The following TTBK1 variants were observed in gnomAD, a reference collection of about 807,000 sequenced individuals.
TTBK1 encodes the protein tau-tubulin kinase 1.
In TTBK1, 34 loss-of-function variants were observed where a neutral mutation model predicts 108.5. That is an observed-to-expected ratio of 0.31 (90% confidence interval 0.24 to 0.42). The LOEUF (loss-of-function observed/expected upper bound fraction) is 0.42, where lower values mean the gene tolerates loss of function less well. TTBK1 is among the 10% of genes least tolerant of loss of function. The pLI is 1.00. For missense variants in TTBK1, 1,539 were observed against 1,826.0 expected (o/e 0.84, Z 2.86); for synonymous variants, 809 against 795.1 (o/e 1.02, Z -0.29).
Position 43,263,124 on chromosome 6 carries a change from TG to T in TTBK1, c.1765del (p.Ala589GlnfsTer32). ...GAGGAGGGCGAAGAGCGGCGGCGGCTGGGGGCAGAGCCCACCGTCCGGCCCC... is the reference window on the plus strand; with the variant it reads ...GAGGAGGGCGAAGAGCGGCGGCGGCTGGGGCAGAGCCCACCGTCCGGCCCC... ...LPEEGEERRR[L>X]GAEPTVRPRG... On this transcript the variant is annotated frameshift_variant, in exon 13 of 15. Transcript: ENST00000259750. LOFTEE classifies it high-confidence loss of function. This position sits in a 1 kb window ranked among gnomAD's most constrained non-coding sequence, Gnocchi z 4.7. 1 of 1,568,386 alleles carries T rather than the reference TG, an allele frequency of 6.4e-7. No homozygotes were observed. The highest frequency in any genetic ancestry group is 8.7e-7 in the Non-Finnish European group (1 of 1,155,854).
intron 12 of TTBK1, among the ~76,000 whole-genome samples, 190 bp from the exon 13 acceptor site, chr6:43,262,599 C>G (rs936692469): frequency 6.6e-6 from 1 of 152,214 alleles, no homozygotes; most frequent in African/African-American, 2.4e-5. Flanking sequence ...AACTAACAAA[C>G]GAACTAACAA....
In TTBK1 at chr6:43,276,356, T is replaced by C. The variant is rs1487756827; in HGVS notation, c.1987-6371T>C. On this transcript the variant is annotated intron_variant, in intron 13 of 14. Transcript: ENST00000259750. The surrounding 1 kb of genome is among the most constrained non-coding windows in gnomAD (Gnocchi z 5.4). The stretch of plus-strand genomic sequence containing the variant: ...CGGGGTGCGTCCTCCTTAGTGTACA[T>C]AGCGGCGTCGGGGGGTGGCCCCAGG... Among the ~76,000 whole-genome samples, 1 of 151,994 alleles carries C rather than the reference T, an allele frequency of 6.6e-6. No homozygotes were observed. Among genetic ancestry groups the C allele is most frequent in the Non-Finnish European group, 1.5e-5 (1 of 67,994 alleles).
intron 1 of TTBK1, among the ~76,000 whole-genome samples, chr6:43,244,745 A>G (rs1777043945): frequency 6.6e-6 from 1 of 152,112 alleles, no homozygotes; most frequent in Non-Finnish European, 1.5e-5. Flanking sequence ...TAACAGATCC[A>G]CTGTCCCAGG....
chr6:43,285,238 C>T lies in TTBK1; in HGVS notation c.3828C>T (p.Val1276=), dbSNP rs1778339628. The part of the protein sequence containing the change: ...ARPGVPPPRG[V]PPARAQPDGT... Reference sequence around the variant, plus strand: ...CCGGGGTCCCCCCGCCCCGGGGCGTCCCGCCGGCCCGGGCCCAGCCTGATG... The same window carrying T: ...CCGGGGTCCCCCCGCCCCGGGGCGTTCCGCCGGCCCGGGCCCAGCCTGATG... The change falls in exon 15 of 15, where the codon GTC becomes GTT. Residue 1276 remains valine, a synonymous_variant. Coordinates refer to ENST00000259750, the MANE Select transcript of TTBK1 (RefSeq NM_032538.3). This position sits in a 1 kb window ranked among gnomAD's most constrained non-coding sequence, Gnocchi z 4.7. 2 of 1,302,034 alleles carry T rather than the reference C, an allele frequency of 1.5e-6. No homozygotes were observed. Among genetic ancestry groups the T allele is most frequent in the Non-Finnish European group, 1.9e-6 (2 of 1,029,612 alleles). 80.7% of individuals were successfully genotyped at this position (1,302,034 alleles called of 1,614,324 possible). A position where few individuals can be genotyped will look rare whatever the true frequency, so the allele number is the denominator to read the frequency against.
intron 13 of TTBK1, among the ~76,000 whole-genome samples, chr6:43,281,561 A>C (rs1778162653): frequency 6.6e-6 from 1 of 152,108 alleles, no homozygotes; most frequent in African/African-American, 2.4e-5. Context: ...CAGGAAAGGC[A>C]AGGCTGTGCT....
rs1777755046 is a variant in TTBK1 at position 43,269,045 on chromosome 6, T to C, written c.1986+5695T>C. ...GGCTCAGAGAGGTGCAGTAACTTGC[T>C]CAAGGTCACTCAGATTTTAAGTGGT... On this transcript the variant is annotated intron_variant, in intron 13 of 14. Transcript: ENST00000259750. The surrounding 1 kb of genome is among the most constrained non-coding windows in gnomAD (Gnocchi z 4.8). 6.6e-6 allele frequency among the ~76,000 whole-genome samples: 1 copy of C among 152,214 alleles called. No homozygotes were observed. Among genetic ancestry groups the C allele is most frequent in the Admixed American group, 6.5e-5 (1 of 15,284 alleles).
Position 43,283,269 on chromosome 6 carries a change from C to T in TTBK1, c.2529C>T (p.Asp843=). 6.4e-7 allele frequency: 1 copy of T among 1,558,380 alleles called. No individual in the cohort carries two copies. The highest frequency in any genetic ancestry group is 8.7e-7 in the Non-Finnish European group (1 of 1,151,390). The change falls in exon 14 of 15, where the codon GAC becomes GAT. Residue 843 remains aspartate, a synonymous_variant. Coordinates refer to ENST00000259750, the MANE Select transcript of TTBK1 (RefSeq NM_032538.3). This position sits in a 1 kb window ranked among gnomAD's most constrained non-coding sequence, Gnocchi z 8.1. ...CGCTGGTGCTTGTCTCTCCTGGCGA[C>T]ATGAAGAAGTCGCCCGTCACTGCCG... ...SKTLVLVSPG[D]MKKSPVTAEL...
At chr6:43,258,515 G>T (rs1168662117) in intron 10 of TTBK1, among the ~76,000 whole-genome samples, 2 of 152,062 alleles carry the variant, frequency 1.3e-5, no homozygotes. Flanking sequence ...GACTTAACAG[G>T]AGTTGGTAGC....
At chr6:43,278,818 C>G (rs1038966639) in intron 13 of TTBK1, among the ~76,000 whole-genome samples, 6 of 152,232 alleles carry the variant, frequency 3.9e-5, no homozygotes, top group African/African-American at 7.2e-5. Flanking sequence ...AGCCCAGCCT[C>G]TGCCCCTCCC....
At chr6:43,280,756 A>G (rs6923820) in intron 13 of TTBK1, among the ~76,000 whole-genome samples, 4,211 of 152,278 alleles carry the variant, frequency 0.028, 138 homozygotes, top group African/African-American at 0.076. Context: ...GAATAAGTAA[A>G]TCTGCTTGGT....
chr6:43,248,547 A>C (rs1449219669), intron 2 of TTBK1, among the ~76,000 whole-genome samples: 2 of 152,040 alleles, frequency 1.3e-5, no homozygotes, highest in African/African-American at 4.8e-5. Flanking sequence ...ACACGGTGAA[A>C]CCTCATCTCT....
chr6:43,267,530 C>T (rs1777713744), intron 13 of TTBK1, among the ~76,000 whole-genome samples: 1 of 152,222 alleles, frequency 6.6e-6, no homozygotes, highest in African/African-American at 2.4e-5. Context: ...TGAGCACCTA[C>T]AACTCTGTCA....
In TTBK1 at chr6:43,253,959, T is replaced by G. The variant is rs1013234836; in HGVS notation, c.471+251T>G. Among the ~76,000 whole-genome samples the G allele has an allele frequency of 6.6e-6, 1 of 152,166 alleles. No homozygotes were observed. On this transcript the variant is annotated intron_variant, in intron 5 of 14. Transcript: ENST00000259750. This position sits in a 1 kb window ranked among gnomAD's most constrained non-coding sequence, Gnocchi z 5.8. ...CTCCTCTGTTCTTCCCTTCTGTTCC[T>G]TATCCCTTGCCCCTGACCTGACAGT...
chr6:43,278,088 C>T (rs927813389), intron 13 of TTBK1, among the ~76,000 whole-genome samples: 1 of 152,126 alleles, frequency 6.6e-6, no homozygotes, highest in African/African-American at 2.4e-5. Flanking sequence ...TGGCTGGGGT[C>T]CAGGCAGGAG....
At chr6:43,271,768 T>C in intron 13 of TTBK1, 1 of 978,426 alleles carries the variant, frequency 1.0e-6, no homozygotes, top group Non-Finnish European at 1.2e-6. Flanking sequence ...AGTCTATTTA[T>C]TTATTTATTT....
rs1249978973 is a variant in TTBK1 at position 43,282,761 on chromosome 6, G to A, written c.2021G>A (p.Gly674Asp). The A allele has an allele frequency of 2.1e-5, 34 of 1,611,154 alleles. No individual in the cohort carries two copies. The highest frequency in any genetic ancestry group is 2.8e-5 in the Non-Finnish European group (33 of 1,179,098). ...FSVAPPFEVN[G>D]LPRAVPLSLP... ...GTGGCGCCCCCATTTGAGGTGAATG[G>A]CCTCCCACGAGCTGTGCCTCTGAGT... is the stretch of plus-strand genomic sequence containing the variant. The change falls in exon 14 of 15, where the codon GGC (glycine) becomes GAC (aspartate). Residue 674 changes from glycine to aspartate, a missense_variant. Physicochemically the swap from Gly to Asp is moderately conservative, Grantham distance 94. Coordinates refer to ENST00000259750, the MANE Select transcript of TTBK1 (RefSeq NM_032538.3). This position sits in a 1 kb window ranked among gnomAD's most constrained non-coding sequence, Gnocchi z 5.4.
rs752286077 is a variant in TTBK1 at position 43,283,666 on chromosome 6, C to A, written c.2926C>A (p.Arg976=). The A allele has an allele frequency of 2.5e-6, 4 of 1,613,796 alleles. No homozygotes were observed. Among genetic ancestry groups the A allele is most frequent in the Non-Finnish European group, 3.4e-6 (4 of 1,179,954 alleles). ...SDGGAVEEGA[R]APLENGLALS... is the part of the protein sequence containing the mutation. Reference sequence around the variant, plus strand: ...TGGGGGCGCTGTGGAGGAGGGGGCCCGAGCGCCCCTGGAGAACGGCCTCGC... The same window carrying A: ...TGGGGGCGCTGTGGAGGAGGGGGCCAGAGCGCCCCTGGAGAACGGCCTCGC... Residue 976 remains arginine, a synonymous_variant, in exon 14 of 15, where the codon CGA becomes AGA. Coordinates refer to ENST00000259750, the MANE Select transcript of TTBK1 (RefSeq NM_032538.3). The surrounding 1 kb of genome is among the most constrained non-coding windows in gnomAD (Gnocchi z 8.1).
intron 2 of TTBK1, among the ~76,000 whole-genome samples, chr6:43,248,749 T>C (rs1384236267): frequency 1.3e-5 from 2 of 152,016 alleles, no homozygotes; most frequent in African/African-American, 4.8e-5. Flanking sequence ...TCCTCAATAC[T>C]TGGCAGGCTG....
rs1426548853 is a variant in TTBK1, at chr6:43,254,576, C to T, written c.501C>T (p.Ser167=). ...ACTTTGCCATGGGCAGGCTGCCCTC[C>T]ACCTACAGGAAGTGCTATATGCTGG... ...PSNFAMGRLP[S]TYRKCYMLDF... is the part of the protein sequence containing the mutation. Residue 167 remains serine, a synonymous_variant, in exon 6 of 15, where the codon TCC becomes TCT. Coordinates refer to ENST00000259750, the MANE Select transcript of TTBK1 (RefSeq NM_032538.3). The T allele has an allele frequency of 1.3e-6, 2 of 1,580,456 alleles. No individual in the cohort carries two copies. Among genetic ancestry groups the T allele is most frequent in the East Asian group, 2.4e-5 (1 of 42,180 alleles).
Sources: gnomAD v4.1 joint callset for allele counts (sites outside exome capture counted in the v4.1 genomes callset) on GRCh38, gnomAD v4.1.1 for gene constraint, Gnocchi (gnomAD v3.1) non-coding constraint, MANE v1.5 for transcripts, NCBI Gene and HGNC (gene_info 2026-07-23, HGNC 2026-07-21) for gene names.